The following ATXN7L1 variants were observed in gnomAD, a reference collection of about 807,000 sequenced individuals.
The protein encoded by ATXN7L1 is ataxin-7-like protein 1.
ATXN7L1 carries 15 observed loss-of-function variants against 70.8 expected under a neutral mutation model. The ratio of observed to expected loss-of-function variants is 0.21; its 90% CI spans 0.14 to 0.33. The LOEUF (loss-of-function observed/expected upper bound fraction) is 0.33. ATXN7L1 is among the 10% of genes least tolerant of loss of function. ATXN7L1 has a pLI of 1.00. For synonymous variants in ATXN7L1, 440 were observed against 445.1 expected (o/e 0.99, Z 0.14); for missense variants, 975 against 1,097.1 (o/e 0.89, Z 1.57).
At chr7:105,760,291 T>C (rs1800377846) in intron 3 of ATXN7L1, 2 of 948,094 alleles carry the variant, frequency 2.1e-6, no homozygotes, top group South Asian at 9.8e-5. Flanking sequence ...TGCTTTTCCA[T>C]ATATTATTTA....
intron 2 of ATXN7L1, among the ~76,000 whole-genome samples, chr7:105,824,619 TAG>T (rs895015143): frequency 2.6e-5 from 4 of 151,954 alleles, no homozygotes; most frequent in African/African-American, 4.8e-5. Context: ...TAGAAACTGA[TAG>T]AGTTTTAGAA....
At chr7:105,703,000 C>T (rs1159927089) in intron 3 of ATXN7L1, among the ~76,000 whole-genome samples, 1 of 152,204 alleles carries the variant, frequency 6.6e-6, no homozygotes, top group Non-Finnish European at 1.5e-5. Flanking sequence ...CCTGTAGTCC[C>T]AGCCACTTGG....
chr7:105,864,456 CAAAA>C (rs34739253), intron 2 of ATXN7L1, among the ~76,000 whole-genome samples: 1 of 41,062 alleles, frequency 2.4e-5, no homozygotes, highest in Non-Finnish European at 4.0e-5. Flanking sequence ...GGCCCTGTCT[CAAAA>C]AAAAAAAAAA....
At chr7:105,796,038 C>T (rs1419680416) in intron 2 of ATXN7L1, among the ~76,000 whole-genome samples, 1 of 152,202 alleles carries the variant, frequency 6.6e-6, no homozygotes, top group Non-Finnish European at 1.5e-5. Context: ...ATTCCAAGCT[C>T]TTTCCAGGAA....
intron 2 of ATXN7L1, among the ~76,000 whole-genome samples, chr7:105,826,639 A>G (rs563370294): frequency 1.3e-5 from 2 of 152,362 alleles, no homozygotes; most frequent in South Asian, 4.1e-4. Flanking sequence ...AATATGGAAG[A>G]AAACACAGGA....
rs914292709 is a variant in ATXN7L1, at chr7:105,679,058, C to T, written c.356-13770G>A. On this transcript the variant is annotated intron_variant, in intron 3 of 11. Transcript: ENST00000419735. ...GCCCTGCGCTCACACTTACACATCC[C>T]GGGGAGGCTGCCTTGCCGTTTGGAT... is the stretch of plus-strand genomic sequence containing the variant. The T allele has an allele frequency of 1.4e-5, 14 of 985,624 alleles. No individual in the cohort carries two copies. In the South Asian group the frequency reaches 5.6e-4, roughly 40 times the overall value. 61.1% of individuals were successfully genotyped at this position (985,624 alleles called of 1,614,324 possible). A position where few individuals can be genotyped will look rare whatever the true frequency, so the allele number is the denominator to read the frequency against.
chr7:105,662,448 G>C (rs577449500), intron 4 of ATXN7L1, among the ~76,000 whole-genome samples: 82 of 152,300 alleles, frequency 5.4e-4, no homozygotes, highest in African/African-American at 1.9e-3. Context: ...GGACTTGACT[G>C]TGGCAGGTCT....
chr7:105,662,023 TTTCTTTCCTTCCTTCCTTCC>T (rs1458503448), intron 4 of ATXN7L1, among the ~76,000 whole-genome samples: 779 of 65,506 alleles, frequency 0.012, 10 homozygotes, highest in African/African-American at 0.028. Flanking sequence ...TCTTTCTTTC[TTTCTTTCCTTCCTTCCTTCC>T]TTCCTTCCTT....
chr7:105,669,325 G>A (rs372561057), intron 3 of ATXN7L1, among the ~76,000 whole-genome samples: 11 of 151,808 alleles, frequency 7.2e-5, no homozygotes, highest in African/African-American at 1.2e-4. Context: ...CAAGTGATCC[G>A]CCTGCTGGGA....
At chr7:105,617,294 G>C (rs1200611129) in intron 9 of ATXN7L1, among the ~76,000 whole-genome samples, 1 of 152,100 alleles carries the variant, frequency 6.6e-6, no homozygotes, top group African/African-American at 2.4e-5. Flanking sequence ...AAAGTGCTGG[G>C]ATTACAGGCA....
chr7:105,638,232 C>T, intron 7 of ATXN7L1, 121 bp downstream of exon 7: 2 of 1,315,420 alleles, frequency 1.5e-6, no homozygotes, highest in Non-Finnish European at 2.0e-6. Context: ...TTACTACTTG[C>T]CTTAGGAAGT....
chr7:105,616,183 G>A (rs1793867882), intron 9 of ATXN7L1, among the ~76,000 whole-genome samples: 1 of 152,324 alleles, frequency 6.6e-6, no homozygotes, highest in African/African-American at 2.4e-5. Context: ...ATGAAGGTGA[G>A]CAGGCCCAGA....
intron 2 of ATXN7L1, 90 bp from the exon 3 acceptor site, chr7:105,788,798 G>A: frequency 9.2e-7 from 1 of 1,086,938 alleles, no homozygotes; most frequent in Non-Finnish European, 1.4e-6. Flanking sequence ...TTCAAGGACA[G>A]TTTTTCAAAC....
intron 4 of ATXN7L1, among the ~76,000 whole-genome samples, chr7:105,652,627 G>C (rs915966589): frequency 2.0e-5 from 3 of 152,206 alleles, no homozygotes; most frequent in Non-Finnish European, 2.9e-5. Flanking sequence ...TTTCCCAACA[G>C]TCCTGGAGGA....
intron 2 of ATXN7L1, among the ~76,000 whole-genome samples, chr7:105,860,455 C>T (rs1585174565): frequency 6.6e-6 from 1 of 152,162 alleles, no homozygotes; most frequent in East Asian, 1.9e-4. Flanking sequence ...CATTGTAGCT[C>T]CAGCTATCCA....
chr7:105,710,860 C>A (rs1388204033), intron 3 of ATXN7L1, among the ~76,000 whole-genome samples: 3 of 152,080 alleles, frequency 2.0e-5, no homozygotes, highest in Non-Finnish European at 2.9e-5. Context: ...CGAGACTGGG[C>A]AATTTACAAA....
At chr7:105,626,315 A>C (rs1428242755) in intron 7 of ATXN7L1, among the ~76,000 whole-genome samples, 1 of 152,242 alleles carries the variant, frequency 6.6e-6, no homozygotes, top group Non-Finnish European at 1.5e-5. Context: ...TACATGAGAT[A>C]CCTAGACAGA....
At chr7:105,788,259 G>C (rs553145648) in intron 3 of ATXN7L1, 247 of 233,692 alleles carry the variant, frequency 1.1e-3, no homozygotes, top group African/African-American at 5.0e-3. Flanking sequence ...CTCTTTCAGG[G>C]GGAGAAAATG....
chr7:105,818,915 T>C (rs1585076714), intron 2 of ATXN7L1, among the ~76,000 whole-genome samples: 1 of 151,502 alleles, frequency 6.6e-6, no homozygotes, highest in East Asian at 1.9e-4. Context: ...TTTTAAGTTC[T>C]AGGGTACATG....
Sources: allele counts gnomAD v4.1 joint callset (sites outside exome capture counted in the v4.1 genomes callset), GRCh38; gene constraint gnomAD v4.1.1; transcripts MANE v1.5; gene names NCBI Gene and HGNC (gene_info 2026-07-23, HGNC 2026-07-21).